SLC8A1: variants seen among roughly 807,000 people sequenced by gnomAD.
SLC8A1 encodes solute carrier family 8 member A1.
SLC8A1 carries 18 observed loss-of-function variants against 68.3 expected under a neutral mutation model. The ratio of observed to expected loss-of-function variants is 0.26; its 90% CI spans 0.18 to 0.39. SLC8A1 has a LOEUF of 0.39. Among genes scored for constraint, SLC8A1 ranks in the 10% least tolerant of loss-of-function variants. SLC8A1 has a pLI of 1.00. For synonymous variants in SLC8A1, 475 were observed against 415.5 expected, an observed-to-expected ratio of 1.14 and a Z score of -1.74; for missense variants, 985 against 1,156.7, an observed-to-expected ratio of 0.85 and a Z score of 2.15.
chr2:40,438,307 T>A (rs1441906794), intron 1 of SLC8A1, among the ~76,000 whole-genome samples: 1 of 152,172 alleles, frequency 6.6e-6, no homozygotes, highest in Non-Finnish European at 1.5e-5. Flanking sequence ...TGCTTTTATA[T>A]CTAGGTCACC....
chr2:40,507,333 G>A (rs1465189407), intron 1 of SLC8A1, among the ~76,000 whole-genome samples: 1 of 151,822 alleles, frequency 6.6e-6, no homozygotes, highest in Admixed American at 6.6e-5. Flanking sequence ...ATGAAATATG[G>A]CCACAAAATA....
intron 6 of SLC8A1, among the ~76,000 whole-genome samples, chr2:40,144,400 T>G (rs1178054672): frequency 6.6e-6 from 1 of 152,120 alleles, no homozygotes; most frequent in Non-Finnish European, 1.5e-5. Context: ...TAAAATAATC[T>G]CACACAGAAT....
chr2:40,264,506 A>C lies in SLC8A1; in HGVS notation c.1809-86651T>G, dbSNP rs559399449. On this transcript the variant is annotated intron_variant, in intron 2 of 7. Transcript: ENST00000406785. The stretch of plus-strand genomic sequence containing the variant: ...AAGATGTGGCACATATACACCATGG[A>C]ATACTATGCAGCCATAAAAAATGAT... Among the ~76,000 whole-genome samples, 8 of 152,304 alleles carry C rather than the reference A, an allele frequency of 5.3e-5. No homozygotes were observed. In the South Asian group the frequency reaches 1.2e-3, roughly 24 times the overall value.
chr2:40,307,146 TACAC>T (rs144335092), intron 2 of SLC8A1, among the ~76,000 whole-genome samples: 63 of 148,282 alleles, frequency 4.2e-4, no homozygotes, highest in Non-Finnish European at 7.2e-4. Context: ...AAATGTGATA[TACAC>T]ACACACACAC....
chr2:40,403,432 C>A (rs192536627), intron 2 of SLC8A1, among the ~76,000 whole-genome samples: 1 of 152,276 alleles, frequency 6.6e-6, no homozygotes, highest in East Asian at 1.9e-4. Context: ...ATCCGCCACC[C>A]TCTTTCTACA....
At chr2:40,245,349 G>A (rs910440470) in intron 2 of SLC8A1, among the ~76,000 whole-genome samples, 2 of 133,608 alleles carry the variant, frequency 1.5e-5, no homozygotes, top group African/African-American at 3.0e-5. Flanking sequence ...CTGATTGTCC[G>A]TTAAATACAT....
intron 2 of SLC8A1, among the ~76,000 whole-genome samples, chr2:40,358,536 A>C (rs1673480953): frequency 2.0e-5 from 3 of 152,196 alleles, no homozygotes; most frequent in African/African-American, 7.2e-5. Context: ...TTTAAAACCT[A>C]ATCCAGTCTA....
At chr2:40,370,587 G>C (rs6712494) in intron 2 of SLC8A1, among the ~76,000 whole-genome samples, 80,368 of 151,874 alleles carry the variant, frequency 0.53, 21,979 homozygotes, top group African/African-American at 0.64. Flanking sequence ...AGAATGACTT[G>C]AGCTTTCTGC....
chr2:40,474,992 G>A (rs1445615485), intron 1 of SLC8A1, among the ~76,000 whole-genome samples: 1 of 152,118 alleles, frequency 6.6e-6, no homozygotes, highest in Admixed American at 6.5e-5. Flanking sequence ...TAAAGTGATC[G>A]AGGTTACTAA....
chr2:40,103,007 C>T (rs1365256281), exon 8 of SLC8A1: 1 of 152,132 alleles, frequency 6.6e-6, no homozygotes, highest in African/African-American at 2.4e-5. Context: ...TTGAGTCTCA[C>T]AAGATCATTT....
intron 2 of SLC8A1, chr2:40,220,215 G>C (rs2058118195): frequency 6.6e-6 from 1 of 151,742 alleles, no homozygotes; most frequent in African/African-American, 2.4e-5. Flanking sequence ...AGACAAGAGA[G>C]GAAGAAGCAG....
chr2:40,417,155 T>C (rs1033727181), intron 2 of SLC8A1, among the ~76,000 whole-genome samples: 1 of 152,154 alleles, frequency 6.6e-6, no homozygotes, highest in African/African-American at 2.4e-5. Flanking sequence ...TTGTTATTTT[T>C]ACTTATTTTT....
intron 2 of SLC8A1, among the ~76,000 whole-genome samples, chr2:40,203,732 G>T (rs907874235): frequency 2.6e-5 from 4 of 151,912 alleles, no homozygotes; most frequent in Admixed American, 1.3e-4. Context: ...TTGAGACAGG[G>T]TCTTGTTTTG....
At chr2:40,450,630 C>T (rs1471903465) in intron 1 of SLC8A1, among the ~76,000 whole-genome samples, 1 of 152,144 alleles carries the variant, frequency 6.6e-6, no homozygotes, top group African/African-American at 2.4e-5. Context: ...AAGCTTCTTC[C>T]ACTACACCTC....
chr2:40,372,732 G>A (rs552179121), intron 2 of SLC8A1, among the ~76,000 whole-genome samples: 1 of 152,158 alleles, frequency 6.6e-6, no homozygotes, highest in South Asian at 2.1e-4. Flanking sequence ...TTGGGTTCTA[G>A]GGAATCTTGC....
intron 2 of SLC8A1, among the ~76,000 whole-genome samples, chr2:40,227,372 T>G (rs2059113810): frequency 6.6e-6 from 1 of 152,046 alleles, no homozygotes; most frequent in Non-Finnish European, 1.5e-5. Context: ...TTTTCCTTTC[T>G]TTATACCCTA....
At chr2:40,378,677 A>G (rs534260979) in intron 2 of SLC8A1, among the ~76,000 whole-genome samples, 1 of 152,222 alleles carries the variant, frequency 6.6e-6, no homozygotes, top group African/African-American at 2.4e-5. Flanking sequence ...ATCTGCAGAG[A>G]AAGAGGAATG....
intron 1 of SLC8A1, among the ~76,000 whole-genome samples, chr2:40,459,445 C>T (rs1284597837): frequency 6.6e-6 from 1 of 152,090 alleles, no homozygotes; most frequent in Non-Finnish European, 1.5e-5. Flanking sequence ...GCCTCAAAGC[C>T]ATCGGACTTT....
intron 2 of SLC8A1, among the ~76,000 whole-genome samples, chr2:40,312,627 G>A (rs1186498357): frequency 6.6e-6 from 1 of 152,098 alleles, no homozygotes; most frequent in African/African-American, 2.4e-5. Flanking sequence ...GTTTCTATAA[G>A]GATGGACTTC....
Sources: gnomAD v4.1 joint callset for allele counts (sites outside exome capture counted in the v4.1 genomes callset) on GRCh38, gnomAD v4.1.1 for gene constraint, MANE v1.5 for transcripts, NCBI Gene and HGNC (gene_info 2026-07-23, HGNC 2026-07-21) for gene names.